The following BCAS3 variants were observed in gnomAD, a reference collection of about 807,000 sequenced individuals.
BCAS3 encodes BCAS4/BCAS3 fusion.
Under a neutral mutation model 116.1 loss-of-function variants are expected in BCAS3, and 53 were observed. The ratio of observed to expected loss-of-function variants is 0.46; its 90% CI spans 0.37 to 0.57. The LOEUF (loss-of-function observed/expected upper bound fraction) is 0.57. Among genes scored for constraint, BCAS3 ranks in the 20% least tolerant of loss-of-function variants. The pLI is 0.00. For synonymous variants in BCAS3, 391 were observed against 408.2 expected, an observed-to-expected ratio of 0.96 and a Z score of 0.51; for missense variants, 917 against 1,165.4, an observed-to-expected ratio of 0.79 and a Z score of 3.10.
At chr17:61,308,404 C>G (rs904132930) in intron 22 of BCAS3, among the ~76,000 whole-genome samples, 1 of 126,096 alleles carries the variant, frequency 7.9e-6, no homozygotes, top group Non-Finnish European at 1.6e-5. Context: ...CTCTAGTGTT[C>G]AGTGAATTTC....
chr17:61,122,654 A>C lies in BCAS3; in HGVS notation c.2425+38090A>C, dbSNP rs1004149396. ...TCTTGCTCCCATATGTTTTTGTAGGATCTTGAAAGGGAAATCATATACATT... is the reference window on the plus strand; with the variant it reads ...TCTTGCTCCCATATGTTTTTGTAGGCTCTTGAAAGGGAAATCATATACATT... On this transcript the variant is annotated intron_variant, in intron 22 of 23. Transcript: ENST00000407086. The surrounding 1 kb of genome is among the most constrained non-coding windows in gnomAD (Gnocchi z 4.6). 1.3e-5 allele frequency among the ~76,000 whole-genome samples: 2 copies of C among 152,176 alleles called. No homozygotes were observed. The highest frequency in any genetic ancestry group is 4.8e-5 in the African/African-American group (2 of 41,434).
Position 61,368,259 on chromosome 17 carries a change from A to G in BCAS3, c.2426-68A>G. ...CTGGGTATGGAGAGGAGCGGGTGGG[A>G]GGTAGACAAGAATGGCCTGCTCCCT... On this transcript the variant is annotated intron_variant, in intron 22 of 23. Transcript: ENST00000407086. This position sits in a 1 kb window ranked among gnomAD's most constrained non-coding sequence, Gnocchi z 6.0. The G allele has an allele frequency of 6.7e-7, 1 of 1,489,586 alleles. No individual in the cohort carries two copies. Among genetic ancestry groups the G allele is most frequent in the Non-Finnish European group, 9.1e-7 (1 of 1,099,760 alleles). 92.3% of individuals were successfully genotyped at this position (1,489,586 alleles called of 1,614,324 possible).
At chr17:61,382,691 ACT>A (rs2059665675) in intron 23 of BCAS3, 1 of 152,066 alleles carries the variant, frequency 6.6e-6, no homozygotes, top group Admixed American at 6.5e-5. Context: ...AAAGAAAGAA[ACT>A]CTCATAAAGC....
At chr17:60,700,567 A>G (rs775750619) in intron 4 of BCAS3, among the ~76,000 whole-genome samples, 15 of 152,330 alleles carry the variant, frequency 9.8e-5, no homozygotes, top group Middle Eastern at 6.8e-3. Flanking sequence ...AGGAGAGGAT[A>G]TATGGTAAGA....
chr17:60,754,446 A>T (rs12941726), intron 6 of BCAS3, among the ~76,000 whole-genome samples: 1 of 151,832 alleles, frequency 6.6e-6, no homozygotes. Flanking sequence ...TGTGATGCAC[A>T]GGCTGGTCTT....
intron 3 of BCAS3, among the ~76,000 whole-genome samples, chr17:60,688,708 T>G (rs1171165693): frequency 6.6e-6 from 1 of 150,766 alleles, no homozygotes; most frequent in Non-Finnish European, 1.5e-5. Context: ...TCCAGCTACT[T>G]GGGAGGCTGA....
chr17:61,176,939 A>G (rs2079186629), intron 22 of BCAS3, among the ~76,000 whole-genome samples: 1 of 152,212 alleles, frequency 6.6e-6, no homozygotes, highest in Non-Finnish European at 1.5e-5. Flanking sequence ...GCAAAGAAGC[A>G]TATGCAAAAA....
At position 61,059,063 on chromosome 17, in the gene BCAS3, C is replaced by CTTTT. The variant is rs869090870; in HGVS notation, c.2030-15823_2030-15820dup. 3.0e-3 allele frequency among the ~76,000 whole-genome samples: 99 copies of CTTTT among 32,800 alleles called. 18 individuals are homozygous for CTTTT. The highest frequency in any genetic ancestry group is 5.4e-3 in the African/African-American group (55 of 10,188). The allele number at this position is 32,800 out of a possible 152,430, so 21.5% of individuals were successfully genotyped here. ...TCCCCGAACTCTTTTTTCTCCCCATCTTTTTTTTTTTTTTTTTTTTTTTTT... is the reference window on the plus strand; with the variant it reads ...TCCCCGAACTCTTTTTTCTCCCCATCTTTTTTTTTTTTTTTTTTTTTTTTTTTTT... On this transcript the variant is annotated intron_variant, in intron 19 of 23. Transcript: ENST00000407086.
intron 22 of BCAS3, among the ~76,000 whole-genome samples, chr17:61,137,551 C>A (rs1303555393): frequency 6.6e-6 from 1 of 151,818 alleles, no homozygotes; most frequent in Non-Finnish European, 1.5e-5. Context: ...GGCGGATCAC[C>A]TGAGGTCAGG....
At chr17:61,305,089 G>C (rs1457959006) in intron 22 of BCAS3, among the ~76,000 whole-genome samples, 1 of 151,986 alleles carries the variant, frequency 6.6e-6, no homozygotes, top group Non-Finnish European at 1.5e-5. Context: ...TATTCATATT[G>C]GGATAGAACT....
At chr17:60,768,689 G>T (rs2044354392) in intron 6 of BCAS3, among the ~76,000 whole-genome samples, 1 of 152,174 alleles carries the variant, frequency 6.6e-6, no homozygotes, top group Non-Finnish European at 1.5e-5. Context: ...TGGAGGCTGT[G>T]GTGAAATTTT....
chr17:60,689,645 T>C, intron 3 of BCAS3, 41 bp from the exon 4 acceptor site: 1 of 1,443,826 alleles, frequency 6.9e-7, no homozygotes, highest in South Asian at 1.2e-5. Context: ...ATATTAAAGC[T>C]GTAAAATATG....
chr17:61,024,803 C>A (rs1324808889), intron 16 of BCAS3, among the ~76,000 whole-genome samples: 1 of 151,894 alleles, frequency 6.6e-6, no homozygotes, highest in African/African-American at 2.4e-5. Flanking sequence ...GTTTTTGTTT[C>A]ATTTTTGCTT....
At position 61,222,769 on chromosome 17, in the gene BCAS3, CTGTTGGCTT is replaced by C. The variant is rs1182068109; in HGVS notation, c.2425+138207_2425+138215del. Among the ~76,000 whole-genome samples the C allele has an allele frequency of 2.0e-5, 3 of 152,186 alleles. No individual in the cohort carries two copies. Among genetic ancestry groups the C allele is most frequent in the Non-Finnish European group, 4.4e-5 (3 of 68,040 alleles). Reference sequence around the variant, plus strand: ...TGCGACTCCAGGTCGATTCGTCTGCCTGTTGGCTTTTTTGATTTTTGCTTTGAAGTTTCC... The same window carrying C: ...TGCGACTCCAGGTCGATTCGTCTGCCTTTTGATTTTTGCTTTGAAGTTTCC... On this transcript the variant is annotated intron_variant, in intron 22 of 23. Coordinates refer to ENST00000407086, the MANE Select transcript of BCAS3 (RefSeq NM_017679.5). This position sits in a 1 kb window ranked among gnomAD's most constrained non-coding sequence, Gnocchi z 6.1.
In BCAS3 at chr17:61,354,525, A is replaced by G. The variant is rs2058041972; in HGVS notation, c.2426-13802A>G. On this transcript the variant is annotated intron_variant, in intron 22 of 23. Coordinates refer to ENST00000407086, the MANE Select transcript of BCAS3 (RefSeq NM_017679.5). The surrounding 1 kb of genome is among the most constrained non-coding windows in gnomAD (Gnocchi z 4.5). ...CTAGTAAGTGACCCCTCCATTGTCC[A>G]AAACAGTGCTGCTGCTTAGCCTGCT... 6.6e-6 allele frequency: 1 copy of G among 152,326 alleles called. No individual in the cohort carries two copies. Among genetic ancestry groups the G allele is most frequent in the East Asian group, 1.9e-4 (1 of 5,182 alleles). The allele number at this position is 152,326 out of a possible 1,614,324, so 9.4% of individuals were successfully genotyped here.
Position 61,144,562 on chromosome 17 carries a change from G to A in BCAS3, c.2425+59998G>A, listed in dbSNP as rs113531381. On this transcript the variant is annotated intron_variant, in intron 22 of 23. Coordinates refer to ENST00000407086, the MANE Select transcript of BCAS3 (RefSeq NM_017679.5). This position sits in a 1 kb window ranked among gnomAD's most constrained non-coding sequence, Gnocchi z 5.0. Reference sequence around the variant, plus strand: ...TTTATCTCTGTTACCTTTCTGAAATGTTTGGCCTAATATTTTTTATAACAT... The same window carrying A: ...TTTATCTCTGTTACCTTTCTGAAATATTTGGCCTAATATTTTTTATAACAT... Among the ~76,000 whole-genome samples the A allele has an allele frequency of 2.3e-3, 357 of 152,304 alleles. 1 individual carries two copies. Among genetic ancestry groups the A allele is most frequent in the African/African-American group, 8.3e-3 (344 of 41,572 alleles).
rs1555861732 is a variant in BCAS3, at chr17:61,375,246, G to GTGTGTGTGCGCGCGCGCGCACA, written c.2593+6760_2593+6761insCGCGCGCGCGCACATGTGTGTG. Among the ~76,000 whole-genome samples the GTGTGTGTGCGCGCGCGCGCACA allele has an allele frequency of 8.8e-4, 133 of 150,782 alleles. 3 individuals are homozygous for GTGTGTGTGCGCGCGCGCGCACA. The highest frequency in any genetic ancestry group is 3.2e-3 in the African/African-American group (129 of 40,274). ...TGTGTGTGTGTGTGTGTGTGTGTGT[G>GTGTGTGTGCGCGCGCGCGCACA]TGTGTGTGTACTAATAAAGTCTTTC... On this transcript the variant is annotated intron_variant, in intron 23 of 23. Transcript: ENST00000407086.
At chr17:61,074,668 A>T (rs1170507561) in intron 19 of BCAS3, among the ~76,000 whole-genome samples, 1 of 152,208 alleles carries the variant, frequency 6.6e-6, no homozygotes, top group Non-Finnish European at 1.5e-5. Context: ...TGCTATTAGC[A>T]TATGTAGTTA....
intron 22 of BCAS3, among the ~76,000 whole-genome samples, chr17:61,329,340 A>ATTTTTT (rs199612323): frequency 2.7e-5 from 3 of 109,416 alleles, no homozygotes; most frequent in African/African-American, 9.0e-5. Context: ...TATTATTATT[A>ATTTTTT]TTATTTTTTT....
Sources: gnomAD v4.1 joint callset for allele counts (sites outside exome capture counted in the v4.1 genomes callset) on GRCh38, gnomAD v4.1.1 for gene constraint, Gnocchi (gnomAD v3.1) non-coding constraint, MANE v1.5 for transcripts, NCBI Gene and HGNC (gene_info 2026-07-23, HGNC 2026-07-21) for gene names.